The following PRKAG2 variants were observed in gnomAD, a reference collection of about 807,000 sequenced individuals.
PRKAG2 encodes the protein protein kinase AMP-activated non-catalytic subunit gamma 2, also known as 5'-AMP-activated protein kinase subunit gamma-2.
A neutral mutation model predicts 69.6 loss-of-function variants in PRKAG2; 26 were observed. The observed-to-expected ratio is 0.37, with a 90% CI of 0.27 to 0.52. The LOEUF is 0.52. Ranked by LOEUF, PRKAG2 falls within the 20% of genes least tolerant of loss-of-function variation. The pLI is 0.90. For missense variants in PRKAG2, 557 were observed against 740.0 expected (o/e 0.75, Z 2.87); for synonymous variants, 293 against 285.0 (o/e 1.03, Z -0.28).
intron 3 of PRKAG2, among the ~76,000 whole-genome samples, chr7:151,718,420 G>A (rs574478118): frequency 5.3e-5 from 8 of 152,112 alleles, no homozygotes; most frequent in East Asian, 3.9e-4. Flanking sequence ...GGGCTTCAAC[G>A]TATGAATTCG....
At chr7:151,639,891 G>GTCAATCAA (rs199740167) in intron 4 of PRKAG2, among the ~76,000 whole-genome samples, 2 of 151,996 alleles carry the variant, frequency 1.3e-5, no homozygotes, top group Non-Finnish European at 2.9e-5. Context: ...CTATCAGTCA[G>GTCAATCAA]TCAATCAATC....
At position 151,697,053 on chromosome 7, in the gene PRKAG2, G is replaced by A. The variant is rs902860345; in HGVS notation, c.467-21416C>T. On this transcript the variant is annotated intron_variant, in intron 3 of 15. Coordinates refer to ENST00000287878, the MANE Select transcript of PRKAG2 (RefSeq NM_016203.4). Reference sequence around the variant, plus strand: ...GCAGGTGGCCAGTCTGAGTCAGCGGGATGGAGGCGCCTGGCATGGGGAAGG... The same window carrying A: ...GCAGGTGGCCAGTCTGAGTCAGCGGAATGGAGGCGCCTGGCATGGGGAAGG... Among the ~76,000 whole-genome samples the A allele has an allele frequency of 6.6e-5, 10 of 152,274 alleles. No individual in the cohort carries two copies. In the East Asian group the frequency reaches 1.9e-3, roughly 29 times the overall value.
At chr7:151,671,295 C>T (rs978885926) in intron 4 of PRKAG2, among the ~76,000 whole-genome samples, 9 of 150,880 alleles carry the variant, frequency 6.0e-5, no homozygotes, top group Admixed American at 4.6e-4. Context: ...TCTTCATGGT[C>T]GATGTTTACA....
At chr7:151,613,695 G>C (rs763755341) in intron 5 of PRKAG2, among the ~76,000 whole-genome samples, 86 of 151,062 alleles carry the variant, frequency 5.7e-4, no homozygotes, top group Admixed American at 1.1e-3. Context: ...ATGGGGTTTC[G>C]CCACGTTGGT....
chr7:151,692,584 G>C (rs1835854035), intron 3 of PRKAG2, among the ~76,000 whole-genome samples: 2 of 152,004 alleles, frequency 1.3e-5, no homozygotes, highest in African/African-American at 4.8e-5. Flanking sequence ...TTAAAAGGGT[G>C]AGTTTTACTC....
Position 151,828,968 on chromosome 7 carries a change from G to C in PRKAG2, c.115-42427C>G, listed in dbSNP as rs759994743. Among the ~76,000 whole-genome samples the C allele has an allele frequency of 1.3e-5, 2 of 151,892 alleles. No individual in the cohort carries two copies. The highest frequency in any genetic ancestry group is 2.9e-5 in the Non-Finnish European group (2 of 67,974). On this transcript the variant is annotated intron_variant, in intron 1 of 15. Coordinates refer to ENST00000287878, the MANE Select transcript of PRKAG2 (RefSeq NM_016203.4). This position sits in a 1 kb window ranked among gnomAD's most constrained non-coding sequence, Gnocchi z 4.6. ...GCTTATACTTGTGTTTATTTGACGT[G>C]TTCTCAATGTGTTAGAAGGCTTCTT...
chr7:151,668,236 T>C (rs56328002), intron 4 of PRKAG2, among the ~76,000 whole-genome samples: 13,701 of 152,268 alleles, frequency 0.09, 841 homozygotes, highest in South Asian at 0.21. Flanking sequence ...ACATGTCTGC[T>C]CCCTTTCTGC....
chr7:151,622,511 A>G (rs569076836), intron 5 of PRKAG2, among the ~76,000 whole-genome samples: 33 of 152,208 alleles, frequency 2.2e-4, no homozygotes, highest in Non-Finnish European at 4.1e-4. Context: ...GCCAGTGTTC[A>G]CCAATGGGGA....
intron 3 of PRKAG2, among the ~76,000 whole-genome samples, chr7:151,683,176 G>T (rs1834145533): frequency 6.6e-6 from 1 of 152,262 alleles, no homozygotes; most frequent in African/African-American, 2.4e-5. Context: ...CCACGAAAGG[G>T]GGTCCAGACA....
At chr7:151,633,699 C>T (rs1825227370) in intron 4 of PRKAG2, among the ~76,000 whole-genome samples, 1 of 151,980 alleles carries the variant, frequency 6.6e-6, no homozygotes, top group African/African-American at 2.4e-5. Context: ...ACTCAAGAAA[C>T]CATGTATAGT....
At chr7:151,628,047 G>C (rs949783899) in intron 5 of PRKAG2, among the ~76,000 whole-genome samples, 2 of 152,186 alleles carry the variant, frequency 1.3e-5, no homozygotes, top group African/African-American at 4.8e-5. Context: ...GGCAAATGAG[G>C]AGGAAGAGGA....
intron 5 of PRKAG2, among the ~76,000 whole-genome samples, chr7:151,631,345 T>C (rs1204980774): frequency 6.6e-6 from 1 of 152,234 alleles, no homozygotes; most frequent in Admixed American, 6.5e-5. Context: ...GTTCAAATGT[T>C]AACAGCTTCA....
chr7:151,708,704 T>C (rs1839034389), intron 3 of PRKAG2, among the ~76,000 whole-genome samples: 1 of 152,162 alleles, frequency 6.6e-6, no homozygotes, highest in South Asian at 2.1e-4. Flanking sequence ...ATGACAAAGG[T>C]AAAATGTCCA....
At chr7:151,861,718 T>C (rs2079931040) in intron 1 of PRKAG2, among the ~76,000 whole-genome samples, 1 of 151,970 alleles carries the variant, frequency 6.6e-6, no homozygotes, top group Non-Finnish European at 1.5e-5. Context: ...CTCTTTACTG[T>C]GGCATCTCAG....
intron 3 of PRKAG2, among the ~76,000 whole-genome samples, chr7:151,703,902 AC>A (rs1838163914): frequency 7.3e-6 from 1 of 137,386 alleles, no homozygotes; most frequent in African/African-American, 2.9e-5. Context: ...ACACACACAC[AC>A]ACACACAAAT....
chr7:151,773,015 A>AAG (rs1330433780), intron 3 of PRKAG2, among the ~76,000 whole-genome samples: 1 of 18,914 alleles, frequency 5.3e-5, no homozygotes, highest in Non-Finnish European at 8.9e-5. Flanking sequence ...GAAAGAAAGA[A>AAG]AGAAAGAAAG....
In PRKAG2 at chr7:151,796,509, C is replaced by A. The variant is rs562443927; in HGVS notation, c.115-9968G>T. 2.0e-5 allele frequency among the ~76,000 whole-genome samples: 3 copies of A among 152,368 alleles called. No individual in the cohort carries two copies. In the East Asian group the frequency reaches 5.8e-4, roughly 29 times the overall value. ...ATCACCTCCTAGCCTCGTCTCTGAGCCTTGGCAGCAGAGTGGGGCAATCCT... is the reference window on the plus strand; with the variant it reads ...ATCACCTCCTAGCCTCGTCTCTGAGACTTGGCAGCAGAGTGGGGCAATCCT... On this transcript the variant is annotated intron_variant, in intron 1 of 15. Transcript: ENST00000287878.
chr7:151,795,265 G>A (rs574381842), intron 1 of PRKAG2, among the ~76,000 whole-genome samples: 1 of 152,276 alleles, frequency 6.6e-6, no homozygotes, highest in East Asian at 1.9e-4. Flanking sequence ...GCAAGTACCT[G>A]GGAGGCCCCG....
intron 3 of PRKAG2, among the ~76,000 whole-genome samples, chr7:151,775,616 A>G (rs2076302128): frequency 2.0e-5 from 3 of 152,260 alleles, no homozygotes; most frequent in Non-Finnish European, 2.9e-5. Context: ...ATTTGGTTCA[A>G]AGGCTTCTAG....
Sources: allele counts gnomAD v4.1 joint callset (sites outside exome capture counted in the v4.1 genomes callset), GRCh38; gene constraint gnomAD v4.1.1; non-coding constraint Gnocchi (gnomAD v3.1); transcripts MANE v1.5; gene names NCBI Gene and HGNC (gene_info 2026-07-23, HGNC 2026-07-21).